The following TMEM72 variants were observed in gnomAD, a reference collection of about 807,000 sequenced individuals.
TMEM72 encodes kidney-specific secretory protein of 37 kDa.
In TMEM72, 9 loss-of-function variants were observed where a neutral mutation model predicts 16.3. The ratio of observed to expected loss-of-function variants is 0.55; its 90% CI spans 0.33 to 0.96. The LOEUF (loss-of-function observed/expected upper bound fraction) is 0.96, where lower values mean the gene tolerates loss of function less well. Among genes scored for constraint, TMEM72 ranks in the 40% least tolerant of loss-of-function variants. TMEM72 has a pLI of 0.03. For missense variants in TMEM72, 324 were observed against 337.8 expected (o/e 0.96, Z 0.32); for synonymous variants, 160 against 146.5 (o/e 1.09, Z -0.66).
chr10:44,912,886 C>T (rs77726360), intron 1 of TMEM72, among the ~76,000 whole-genome samples: 2,092 of 152,294 alleles, frequency 0.014, 56 homozygotes, highest in African/African-American at 0.047. Context: ...CCTCCTGCTA[C>T]AGGATGGGGC....
intron 1 of TMEM72, among the ~76,000 whole-genome samples, chr10:44,915,598 A>C (rs1268703871): frequency 6.6e-6 from 1 of 152,066 alleles, no homozygotes; most frequent in Non-Finnish European, 1.5e-5. Flanking sequence ...GCAGGATGCA[A>C]AACACACAGA....
Position 44,934,432 on chromosome 10 carries a change from C to T in TMEM72, c.350-224C>T, listed in dbSNP as rs570715391. On this transcript the variant is annotated intron_variant, in intron 4 of 4. Coordinates refer to ENST00000389583, the MANE Select transcript of TMEM72 (RefSeq NM_001123376.3). ...GGGAGACCATGTTGAAAAGCAGAGC[C>T]TCCATCCTTCCTGCCATTTAGCATC... Among the ~76,000 whole-genome samples the T allele has an allele frequency of 3.9e-5, 6 of 152,302 alleles. No individual in the cohort carries two copies. In the South Asian group the frequency reaches 8.3e-4, roughly 21 times the overall value.
intron 1 of TMEM72, among the ~76,000 whole-genome samples, chr10:44,913,609 C>T (rs1046600951): frequency 1.3e-5 from 2 of 152,202 alleles, no homozygotes; most frequent in African/African-American, 4.8e-5. Context: ...TAGCCATGAG[C>T]TCCCTTCTAA....
intron 1 of TMEM72, among the ~76,000 whole-genome samples, chr10:44,924,647 T>C (rs1840156491): frequency 6.6e-6 from 1 of 152,230 alleles, no homozygotes. Context: ...CAACCTGGCA[T>C]GCTCTGCATC....
intron 1 of TMEM72, among the ~76,000 whole-genome samples, chr10:44,921,344 A>G (rs1840095608): frequency 6.6e-6 from 1 of 151,978 alleles, no homozygotes; most frequent in Admixed American, 6.6e-5. Flanking sequence ...ATAGGGAGGG[A>G]TGGAAGGAGT....
intron 3 of TMEM72, among the ~76,000 whole-genome samples, chr10:44,933,359 C>G (rs1840336436): frequency 1.3e-5 from 2 of 152,260 alleles, no homozygotes; most frequent in South Asian, 2.1e-4. Context: ...CTGTCTTCCT[C>G]ACTAACTCAT....
At chr10:44,923,719 C>G (rs996256746) in intron 1 of TMEM72, among the ~76,000 whole-genome samples, 2 of 152,188 alleles carry the variant, frequency 1.3e-5, no homozygotes, top group Admixed American at 1.3e-4. Flanking sequence ...CCTGGCCAGC[C>G]CACACCTCTG....
chr10:44,921,286 C>T (rs1392566870), intron 1 of TMEM72, among the ~76,000 whole-genome samples: 1 of 152,068 alleles, frequency 6.6e-6, no homozygotes. Context: ...GCATAAGGTA[C>T]CTCTGTTGGG....
chr10:44,933,045 C>T (rs977662585), intron 3 of TMEM72, among the ~76,000 whole-genome samples: 1 of 152,262 alleles, frequency 6.6e-6, no homozygotes, highest in East Asian at 1.9e-4. Context: ...TAAAGGCAGG[C>T]ACTTGCCCCC....
chr10:44,929,724 C>T (rs1234558195), intron 2 of TMEM72, among the ~76,000 whole-genome samples: 1 of 152,276 alleles, frequency 6.6e-6, no homozygotes, highest in Non-Finnish European at 1.5e-5. Context: ...CTTCTTGCCA[C>T]TCATGTACAG....
chr10:44,934,638 C>A lies in TMEM72; in HGVS notation c.350-18C>A, dbSNP rs766793273. The A allele has an allele frequency of 1.3e-6, 2 of 1,542,546 alleles. No individual in the cohort carries two copies. Among genetic ancestry groups the A allele is most frequent in the East Asian group, 2.3e-5 (1 of 44,132 alleles). ...TTCCGTGACTCCTCTAGAGCCCTGA[C>A]CTCTGGCTCTTTTCCAGGCTCCATG... On this transcript the variant is annotated intron_variant, in intron 4 of 4. Coordinates refer to ENST00000389583, the MANE Select transcript of TMEM72 (RefSeq NM_001123376.3).
chr10:44,916,173 G>A (rs570124836), intron 1 of TMEM72, among the ~76,000 whole-genome samples: 6 of 152,186 alleles, frequency 3.9e-5, no homozygotes, highest in Non-Finnish European at 7.3e-5. Flanking sequence ...AAAGGGCATG[G>A]CAGAGCCAGC....
rs201774790 is a variant in TMEM72, at chr10:44,911,548, C to T, written c.36C>T (p.Tyr12=). The stretch of plus-strand genomic sequence containing the variant: ...AGGTGTTCTGGACTGGGCTGGAATA[C>T]ACCTGCCGGCTCCTGGGCATCACCA... ...QLQVFWTGLE[Y]TCRLLGITTA... is the part of the protein sequence containing the mutation. Residue 12 remains tyrosine, a synonymous_variant, in exon 1 of 5, where the codon TAC becomes TAT. Coordinates refer to ENST00000389583, the MANE Select transcript of TMEM72 (RefSeq NM_001123376.3). The T allele has an allele frequency of 4.6e-4, 715 of 1,551,358 alleles. 1 individual carries two copies. Among genetic ancestry groups the T allele is most frequent in the Non-Finnish European group, 5.9e-4 (680 of 1,147,302 alleles).
At chr10:44,911,658 G>A in intron 1 of TMEM72, 76 bp downstream of exon 1, 1 of 1,503,874 alleles carries the variant, frequency 6.6e-7, no homozygotes, top group South Asian at 1.2e-5. Context: ...GTGGGAGGTG[G>A]CCAGGAGACA....
At position 44,935,258 on chromosome 10, in the gene TMEM72, G is replaced by A; in HGVS notation, c.*124G>A. 1 of 893,370 alleles carries A rather than the reference G, an allele frequency of 1.1e-6. No individual in the cohort carries two copies. Among genetic ancestry groups the A allele is most frequent in the Non-Finnish European group, 1.6e-6 (1 of 610,782 alleles). The allele number at this position is 893,370 out of a possible 1,614,324, so 55.3% of individuals were successfully genotyped here. The stretch of plus-strand genomic sequence containing the variant: ...GTAACCAGACACCCCCACACTGGCT[G>A]GGCCCCTGAGGCCATCAGGAGGTGT... On this transcript the variant is annotated 3_prime_UTR_variant, in exon 5 of 5. Coordinates refer to ENST00000389583, the MANE Select transcript of TMEM72 (RefSeq NM_001123376.3).
intron 1 of TMEM72, among the ~76,000 whole-genome samples, chr10:44,913,949 A>T (rs11598392): frequency 0.085 from 12,999 of 152,138 alleles, 606 homozygotes; most frequent in South Asian, 0.16. Context: ...AAGACATGTG[A>T]CCCAAGGGCA....
intron 1 of TMEM72, among the ~76,000 whole-genome samples, chr10:44,914,382 C>T (rs1055939852): frequency 2.0e-5 from 3 of 152,194 alleles, no homozygotes; most frequent in Admixed American, 6.5e-5. Flanking sequence ...TTGTTTACAC[C>T]GGGTTCATTT....
In TMEM72 at chr10:44,936,905, G is replaced by A. The variant is rs903842740; in HGVS notation, c.*1771G>A. On this transcript the variant is annotated 3_prime_UTR_variant, in exon 5 of 5. Transcript: ENST00000389583. ...TCTGCATCAGAGTAGTTCTGTCCTCGAAGCCCCAGTCAGCAGAGCTGGATG... is the reference window on the plus strand; with the variant it reads ...TCTGCATCAGAGTAGTTCTGTCCTCAAAGCCCCAGTCAGCAGAGCTGGATG... The A allele has an allele frequency of 6.6e-6, 1 of 152,230 alleles. No individual in the cohort carries two copies. The highest frequency in any genetic ancestry group is 2.4e-5 in the African/African-American group (1 of 41,450). The allele number at this position is 152,230 out of a possible 1,614,324, so 9.4% of individuals were successfully genotyped here.
At chr10:44,933,881 T>A in intron 4 of TMEM72, 105 bp downstream of exon 4, 1 of 1,388,814 alleles carries the variant, frequency 7.2e-7, no homozygotes, top group Non-Finnish European at 9.5e-7. Flanking sequence ...CCAGGGACCT[T>A]ACCTGCCCCA....
Sources: gnomAD v4.1 joint callset for allele counts (sites outside exome capture counted in the v4.1 genomes callset) on GRCh38, gnomAD v4.1.1 for gene constraint, MANE v1.5 for transcripts, NCBI Gene and HGNC (gene_info 2026-07-23, HGNC 2026-07-21) for gene names.